TFCP2: variants seen among roughly 807,000 people sequenced by gnomAD.
The protein encoded by TFCP2 is alpha-globin transcription factor CP2.
In TFCP2, 33 loss-of-function variants were observed where a neutral mutation model predicts 73.4. The ratio of observed to expected loss-of-function variants is 0.45; its 90% CI spans 0.34 to 0.60. The LOEUF is 0.60. Among genes scored for constraint, TFCP2 ranks in the 20% least tolerant of loss-of-function variants. The probability of loss-of-function intolerance (pLI) is 0.01; values close to 1 mark genes in which losing one functional copy is unlikely to be tolerated. For missense variants in TFCP2, 352 were observed against 604.0 expected (o/e 0.58, Z 4.37); for synonymous variants, 193 against 211.6 (o/e 0.91, Z 0.76).
chr12:51,133,463 C>T (rs912398614), intron 1 of TFCP2, among the ~76,000 whole-genome samples: 6 of 152,168 alleles, frequency 3.9e-5, no homozygotes, highest in African/African-American at 1.4e-4. Context: ...TGCCACCATG[C>T]CCAGCTAATT....
intron 1 of TFCP2, among the ~76,000 whole-genome samples, chr12:51,124,383 T>C (rs539659595): frequency 3.0e-4 from 45 of 152,304 alleles, no homozygotes; most frequent in African/African-American, 9.6e-4. Flanking sequence ...ATGAGCCACC[T>C]GGCCCAACTA....
At chr12:51,134,435 C>G (rs1310339965) in intron 1 of TFCP2, among the ~76,000 whole-genome samples, 1 of 152,084 alleles carries the variant, frequency 6.6e-6, no homozygotes, top group Non-Finnish European at 1.5e-5. Context: ...CAGGCATGCA[C>G]CACCATGCCC....
intron 1 of TFCP2, among the ~76,000 whole-genome samples, chr12:51,145,297 G>A (rs148235586): frequency 6.6e-6 from 1 of 150,990 alleles, no homozygotes; most frequent in Non-Finnish European, 1.5e-5. Flanking sequence ...CAGGAGAATC[G>A]CTTGAACCTG....
intron 1 of TFCP2, among the ~76,000 whole-genome samples, chr12:51,168,861 GCA>G (rs1293532443): frequency 6.6e-6 from 1 of 151,808 alleles, no homozygotes; most frequent in Admixed American, 6.6e-5. Context: ...TAGTGCAGTG[GCA>G]CAGTCTCAGC....
At chr12:51,155,172 C>T (rs1941512051) in intron 1 of TFCP2, among the ~76,000 whole-genome samples, 1 of 152,212 alleles carries the variant, frequency 6.6e-6, no homozygotes, top group Admixed American at 6.5e-5. Flanking sequence ...AGGACTTACA[C>T]CAGTAGCCTC....
chr12:51,149,310 T>C (rs911039220), intron 1 of TFCP2, among the ~76,000 whole-genome samples: 1 of 151,998 alleles, frequency 6.6e-6, no homozygotes, highest in African/African-American at 2.4e-5. Context: ...GACTATACAT[T>C]GGGTACACTG....
Position 51,102,038 on chromosome 12 carries a change from T to C in TFCP2, c.1061-13A>G, listed in dbSNP as rs755366263. Reference sequence around the variant, plus strand: ...AATAAATCTGCCCCTGGAATAAATATAAGAAAATGGATGATAAAGGCAAAG... The same window carrying C: ...AATAAATCTGCCCCTGGAATAAATACAAGAAAATGGATGATAAAGGCAAAG... On this transcript the variant is annotated splice_polypyrimidine_tract_variant and intron_variant, in intron 10 of 14. Transcript: ENST00000257915. The C allele has an allele frequency of 1.7e-5, 27 of 1,561,008 alleles. No individual in the cohort carries two copies. The African/African-American group carries it at 3.3e-4, about 19-fold the overall frequency.
At chr12:51,168,018 G>A (rs1229518232) in intron 1 of TFCP2, among the ~76,000 whole-genome samples, 1 of 151,826 alleles carries the variant, frequency 6.6e-6, no homozygotes, top group Non-Finnish European at 1.5e-5. Context: ...CTACAATCAC[G>A]CCACTGCACT....
intron 1 of TFCP2, among the ~76,000 whole-genome samples, chr12:51,152,412 T>C (rs1941448146): frequency 6.6e-6 from 1 of 152,310 alleles, no homozygotes; most frequent in East Asian, 1.9e-4. Flanking sequence ...CAACACATCA[T>C]ATTGGATATT....
intron 4 of TFCP2, among the ~76,000 whole-genome samples, chr12:51,115,400 G>A (rs930880235): frequency 2.6e-5 from 4 of 152,114 alleles, no homozygotes; most frequent in Admixed American, 2.0e-4. Flanking sequence ...GATTACAGGC[G>A]TGAGCCATCG....
In TFCP2 at chr12:51,104,142, A is replaced by G. The variant is rs373336170; in HGVS notation, c.966+13T>C. The G allele has an allele frequency of 1.1e-4, 182 of 1,613,906 alleles. No individual in the cohort carries two copies. The African/African-American group carries it at 2.3e-3, about 21-fold the overall frequency. Reference sequence around the variant, plus strand: ...AGACATTGCAAGTAACTGACATTCAACTTTAGACTTACATCTGTGACTGGA... The same window carrying G: ...AGACATTGCAAGTAACTGACATTCAGCTTTAGACTTACATCTGTGACTGGA... On this transcript the variant is annotated intron_variant, in intron 9 of 14. Coordinates refer to ENST00000257915, the MANE Select transcript of TFCP2 (RefSeq NM_005653.5).
intron 1 of TFCP2, among the ~76,000 whole-genome samples, chr12:51,165,601 TG>T: frequency 6.6e-6 from 1 of 151,632 alleles, no homozygotes; most frequent in African/African-American, 2.4e-5. Flanking sequence ...GAGGCTGGAG[TG>T]GGGGGAGATG....
chr12:51,115,704 G>A (rs11834746), intron 4 of TFCP2, among the ~76,000 whole-genome samples: 31,060 of 152,124 alleles, frequency 0.2, 3,237 homozygotes, highest in South Asian at 0.26. Flanking sequence ...ACACAATGGA[G>A]TATTATTCAG....
At chr12:51,096,566 A>G (rs1396191971) in intron 13 of TFCP2, among the ~76,000 whole-genome samples, 2 of 152,220 alleles carry the variant, frequency 1.3e-5, no homozygotes, top group African/African-American at 4.8e-5. Context: ...ATAACTGAGC[A>G]ATAGACCCTT....
At position 51,131,179 on chromosome 12, in the gene TFCP2, C is replaced by A. The variant is rs11169715; in HGVS notation, c.123-12407G>T. ...CCCATCTCTACTAAAAAAAAAAAAA[C>A]AAAAAATTAGCTGGGTGTGGTGGCG... On this transcript the variant is annotated intron_variant, in intron 1 of 14. Coordinates refer to ENST00000257915, the MANE Select transcript of TFCP2 (RefSeq NM_005653.5). Among the ~76,000 whole-genome samples the A allele has an allele frequency of 1.6e-3, 220 of 141,752 alleles. 1 individual carries two copies. In the South Asian group the frequency reaches 0.017, roughly 11 times the overall value. 93.0% of individuals were successfully genotyped at this position (141,752 alleles called of 152,430 possible).
At chr12:51,096,080 A>G in intron 13 of TFCP2, 40 bp from the exon 14 acceptor site, 1 of 1,559,104 alleles carries the variant, frequency 6.4e-7, no homozygotes, top group Non-Finnish European at 8.8e-7. Context: ...TTAAATGAAA[A>G]ACAACCCCTT....
In TFCP2 at chr12:51,098,819, T is replaced by C; in HGVS notation, c.1376A>G (p.Tyr459Cys). Residue 459 changes from tyrosine to cysteine, a missense_variant, in exon 13 of 15, where the codon TAC (tyrosine) becomes TGC (cysteine). By Grantham distance (194) the Tyr-to-Cys change is radical (BLOSUM62 -2). Coordinates refer to ENST00000257915, the MANE Select transcript of TFCP2 (RefSeq NM_005653.5). ...ATGAATTCCTGTTGGCCCCTGCTTGTAAATCTGGCTGATCTGGCAAGGGGA... is the reference window on the plus strand; with the variant it reads ...ATGAATTCCTGTTGGCCCCTGCTTGCAAATCTGGCTGATCTGGCAAGGGGA... ...SISPCQISQI[Y>C]KQGPTGIHVL... The C allele has an allele frequency of 6.2e-7, 1 of 1,614,174 alleles. No homozygotes were observed. Among genetic ancestry groups the C allele is most frequent in the Non-Finnish European group, 8.5e-7 (1 of 1,180,030 alleles).
At chr12:51,138,722 T>C (rs866690197) in intron 1 of TFCP2, among the ~76,000 whole-genome samples, 1 of 152,050 alleles carries the variant, frequency 6.6e-6, no homozygotes, top group African/African-American at 2.4e-5. Context: ...CACCACAACA[T>C]CCGCCTCCCG....
At chr12:51,139,447 T>C (rs1318481828) in intron 1 of TFCP2, among the ~76,000 whole-genome samples, 1 of 152,090 alleles carries the variant, frequency 6.6e-6, no homozygotes, top group Non-Finnish European at 1.5e-5. Context: ...CATAGCTCAC[T>C]GCAAGTCTCA....
Sources: gnomAD v4.1 joint callset for allele counts (sites outside exome capture counted in the v4.1 genomes callset) on GRCh38, gnomAD v4.1.1 for gene constraint, MANE v1.5 for transcripts, NCBI Gene and HGNC (gene_info 2026-07-23, HGNC 2026-07-21) for gene names.